Variants in SLC12A5 observed in about 807,000 individuals in gnomAD.
SLC12A5 encodes solute carrier family 12 member 5.
A neutral mutation model predicts 124.0 loss-of-function variants in SLC12A5; 18 were observed. The observed-to-expected ratio is 0.15, with a 90% CI of 0.10 to 0.22. SLC12A5 has a LOEUF of 0.22. SLC12A5 is among the 10% of genes least tolerant of loss of function. The pLI is 1.00. For synonymous variants in SLC12A5, 589 were observed against 568.0 expected (o/e 1.04, Z -0.53); for missense variants, 867 against 1,478.7 (o/e 0.59, Z 6.78).
At chr20:46,025,738 T>G (rs1016129453), upstream of SLC12A5, among the ~76,000 whole-genome samples, 1 of 152,084 alleles carries the variant, frequency 6.6e-6, no homozygotes, top group South Asian at 2.1e-4. Flanking sequence ...CCTGTGTGTG[T>G]GGGGCGTGCT....
upstream of SLC12A5, among the ~76,000 whole-genome samples, chr20:46,026,633 A>G (rs1214219139): frequency 6.6e-6 from 1 of 152,246 alleles, no homozygotes; most frequent in African/African-American, 2.4e-5. Flanking sequence ...TGAGATTAAT[A>G]GAGCACTAAG....
chr20:46,057,696 C>G lies in SLC12A5; in HGVS notation c.*91C>G. Reference sequence around the variant, plus strand: ...CCCCGCCGCTGTCACCGTTTACATACAGACCCTGTGCCCGTGTCCTGGCCC... The same window carrying G: ...CCCCGCCGCTGTCACCGTTTACATAGAGACCCTGTGCCCGTGTCCTGGCCC... On this transcript the variant is annotated 3_prime_UTR_variant, in exon 26 of 26. Transcript: ENST00000243964. The surrounding 1 kb of genome is among the most constrained non-coding windows in gnomAD (Gnocchi z 7.1). 1.0e-6 allele frequency: 1 copy of G among 978,998 alleles called. No individual in the cohort carries two copies. The allele number at this position is 978,998 out of a possible 1,614,324, so 60.6% of individuals were successfully genotyped here.
At position 46,044,982 on chromosome 20, in the gene SLC12A5, A is replaced by G; in HGVS notation, c.1411A>G (p.Asn471Asp). 2 of 1,614,178 alleles carry G rather than the reference A, an allele frequency of 1.2e-6. No homozygotes were observed. The highest frequency in any genetic ancestry group is 2.2e-5 in the South Asian group (2 of 91,082). ...VLRDKFGEAV[N>D]GNLVVGTLAW... is the part of the protein sequence containing the mutation. ...TCATTCCAGGTTTGGCGAAGCTGTG[A>G]ATGGCAACCTCGTGGTGGGCACTCT... is the stretch of plus-strand genomic sequence containing the variant. Residue 471 changes from asparagine (N) to aspartate (D), a missense_variant, in exon 12 of 26, where the codon AAT (asparagine) becomes GAT (aspartate). Transcript: ENST00000243964.
In SLC12A5 at chr20:46,059,484, A is replaced by G; in HGVS notation, c.*1879A>G. On this transcript the variant is annotated 3_prime_UTR_variant, in exon 26 of 26. Coordinates refer to ENST00000243964, the MANE Select transcript of SLC12A5 (RefSeq NM_020708.5). The stretch of plus-strand genomic sequence containing the variant: ...CAGTAGACCTCCCTCTGAACACCAC[A>G]GCCAGGTCCTGCCTTCTGGGGGCCT... 2.5e-6 allele frequency: 1 copy of G among 398,856 alleles called. No individual in the cohort carries two copies. The highest frequency in any genetic ancestry group is 3.6e-5 in the East Asian group (1 of 28,070). The allele number at this position is 398,856 out of a possible 1,614,324, so 24.7% of individuals were successfully genotyped here. A position where few individuals can be genotyped will look rare whatever the true frequency, so the allele number is the denominator to read the frequency against.
Position 46,057,686 on chromosome 20 carries a change from C to A in SLC12A5, c.*81C>A. 1 of 1,064,648 alleles carries A rather than the reference C, an allele frequency of 9.4e-7. No individual in the cohort carries two copies. Among genetic ancestry groups the A allele is most frequent in the Non-Finnish European group, 1.4e-6 (1 of 735,270 alleles). 66.0% of individuals were successfully genotyped at this position (1,064,648 alleles called of 1,614,324 possible). On this transcript the variant is annotated 3_prime_UTR_variant, in exon 26 of 26. Transcript: ENST00000243964. The surrounding 1 kb of genome is among the most constrained non-coding windows in gnomAD (Gnocchi z 7.1). ...TCGCCGCGCCCCCCGCCGCTGTCAC[C>A]GTTTACATACAGACCCTGTGCCCGT...
chr20:46,023,103 G>A (rs1002098209), intron 2 of SLC12A5: 11 of 399,464 alleles, frequency 2.8e-5, no homozygotes, highest in Non-Finnish European at 4.8e-5. Flanking sequence ...CCCAAGCGCC[G>A]AAACCCCTAG....
Position 46,053,549 on chromosome 20 carries a change from C to T in SLC12A5, c.2548-29C>T. 1 of 1,612,212 alleles carries T rather than the reference C, an allele frequency of 6.2e-7. No homozygotes were observed. Among genetic ancestry groups the T allele is most frequent in the Non-Finnish European group, 8.5e-7 (1 of 1,179,300 alleles). Reference sequence around the variant, plus strand: ...ATCTCCTCATCACATCTGGGCTGGACCTTTCTGAATCCCCTTCATCGCCTG... The same window carrying T: ...ATCTCCTCATCACATCTGGGCTGGATCTTTCTGAATCCCCTTCATCGCCTG... On this transcript the variant is annotated intron_variant, in intron 19 of 25. Transcript: ENST00000243964. This position sits in a 1 kb window ranked among gnomAD's most constrained non-coding sequence, Gnocchi z 4.7.
At position 46,046,346 on chromosome 20, in the gene SLC12A5, T is replaced by C; in HGVS notation, c.1697T>C (p.Leu566Pro). ...EVAPILSMFFLMCYMFVNLAC... is the reference protein window; with the variant it reads ...EVAPILSMFFPMCYMFVNLAC... ...GCCTTCCTGTGTTCCAGGTTCTTCCTGATGTGCTACATGTTTGTGAATCTG... is the reference window on the plus strand; with the variant it reads ...GCCTTCCTGTGTTCCAGGTTCTTCCCGATGTGCTACATGTTTGTGAATCTG... Residue 566 changes from leucine (L) to proline (P), a missense_variant, in exon 14 of 26, where the codon CTG becomes CCG. This residue lies in a region of SLC12A5 where 152 missense variants were observed against 358.7 expected (regional missense o/e 0.42). Coordinates refer to ENST00000243964, the MANE Select transcript of SLC12A5 (RefSeq NM_020708.5). The C allele has an allele frequency of 6.2e-7, 1 of 1,614,148 alleles. No individual in the cohort carries two copies. The highest frequency in any genetic ancestry group is 8.5e-7 in the Non-Finnish European group (1 of 1,180,004).
rs530848177 is a variant in SLC12A5 at position 46,041,295 on chromosome 20, G to A, written c.855-34G>A. ...TGTGCAGCGAGGGCAAGGTTATGTGGCTCCCCACCTTCCTCCCTTGTTTCT... is the reference window on the plus strand; with the variant it reads ...TGTGCAGCGAGGGCAAGGTTATGTGACTCCCCACCTTCCTCCCTTGTTTCT... On this transcript the variant is annotated intron_variant, in intron 7 of 25. Transcript: ENST00000243964. The A allele has an allele frequency of 6.9e-6, 11 of 1,601,272 alleles. No homozygotes were observed. In the South Asian group the frequency reaches 1.2e-4, roughly 18 times the overall value.
rs1257556544 is a variant in SLC12A5, at chr20:46,055,033, C to A, written c.2787+10C>A. 1 of 1,608,536 alleles carries A rather than the reference C, an allele frequency of 6.2e-7. No individual in the cohort carries two copies. The highest frequency in any genetic ancestry group is 8.5e-7 in the Non-Finnish European group (1 of 1,175,052). On this transcript the variant is annotated intron_variant, in intron 21 of 25. Transcript: ENST00000243964. ...TGAGCGGGAGCGGGAGGTGAGGTTG[C>A]CCTGGCTGGCCCCTGAGAGCCTCAA...
chr20:46,021,862 CA>C lies in SLC12A5; in HGVS notation c.25del (p.His9ProfsTer69). On this transcript the variant is annotated frameshift_variant, in exon 1 of 3. Coordinates refer to the SLC12A5 transcript ENST00000413737. LOFTEE classifies it high-confidence loss of function. ...CCGGCATTCGGTCGCAGACCCCCGC[CA>C]CCTCCCGGGGGAAGACGTCAAAGGT... 1 of 1,531,222 alleles carries C rather than the reference CA, an allele frequency of 6.5e-7. No homozygotes were observed. The highest frequency in any genetic ancestry group is 8.7e-7 in the Non-Finnish European group (1 of 1,144,932). The allele number at this position is 1,531,222 out of a possible 1,614,324, so 94.9% of individuals were successfully genotyped here. A position where few individuals can be genotyped will look rare whatever the true frequency, so the allele number is the denominator to read the frequency against.
chr20:46,049,768 C>G lies in SLC12A5; in HGVS notation c.2159C>G (p.Pro720Arg). 6.3e-7 allele frequency: 1 copy of G among 1,599,804 alleles called. No homozygotes were observed. Among genetic ancestry groups the G allele is most frequent in the East Asian group, 2.2e-5 (1 of 44,454 alleles). The change falls in exon 17 of 26, where the codon CCA (proline) becomes CGA (arginine). Residue 720 changes from proline to arginine, a missense_variant. Pro to Arg is a moderately radical substitution (Grantham distance 103, BLOSUM62 -2). Around this residue, in one of 9 missense-constraint regions of SLC12A5, gnomAD observed 110 missense variants for 149.9 expected, o/e 0.73. Transcript: ENST00000243964. ...GAGGGCACCTTTCTGGAAAATCATC[C>G]ACAGGCCCAGCGGGCAGAAGAGGTG... is the stretch of plus-strand genomic sequence containing the variant. ...VLEGTFLENHPQAQRAEESIR... is the reference protein window; with the variant it reads ...VLEGTFLENHRQAQRAEESIR...
chr20:46,040,374 C>A lies in SLC12A5; in HGVS notation c.614C>A (p.Ala205Asp). The change falls in exon 7 of 26, where the codon GCT becomes GAT. Residue 205 changes from alanine (A) to aspartate (D), a missense_variant and splice_region_variant. Coordinates refer to ENST00000243964, the MANE Select transcript of SLC12A5 (RefSeq NM_020708.5). Reference sequence around the variant, plus strand: ...GTTCTTCCTGCCCCTTTCCCACAGGCTTACCTCTTCCCAGCCATGGCCATC... The same window carrying A: ...GTTCTTCCTGCCCCTTTCCCACAGGATTACCTCTTCCCAGCCATGGCCATC... ...YILGTIEILLAYLFPAMAIFK... is the reference protein window; with the variant it reads ...YILGTIEILLDYLFPAMAIFK... 2 of 1,613,916 alleles carry A rather than the reference C, an allele frequency of 1.2e-6. No homozygotes were observed.
intron 17 of SLC12A5, 55 bp downstream of exon 17, chr20:46,049,845 GTC>G: frequency 2.7e-6 from 4 of 1,485,600 alleles, no homozygotes; most frequent in Non-Finnish European, 3.6e-6. Context: ...TAGGAAGACA[GTC>G]TCTATCCTTT....
In SLC12A5 at chr20:46,045,047, C is replaced by T; in HGVS notation, c.1476C>T (p.Phe492=). The change falls in exon 12 of 26, where the codon TTC becomes TTT. Residue 492 remains phenylalanine, a synonymous_variant. Transcript: ENST00000243964. The surrounding 1 kb of genome is among the most constrained non-coding windows in gnomAD (Gnocchi z 4.9). Reference sequence around the variant, plus strand: ...CATGGGTAATTGTCATCGGATCCTTCTTCTCCACCTGTGGGGCTGGGCTGC... The same window carrying T: ...CATGGGTAATTGTCATCGGATCCTTTTTCTCCACCTGTGGGGCTGGGCTGC... The part of the protein sequence containing the change: ...PSPWVIVIGS[F]FSTCGAGLQS... 2 of 1,614,122 alleles carry T rather than the reference C, an allele frequency of 1.2e-6. No individual in the cohort carries two copies. The highest frequency in any genetic ancestry group is 2.2e-5 in the South Asian group (2 of 91,082).
chr20:46,034,410 C>T (rs1302122830), intron 1 of SLC12A5, among the ~76,000 whole-genome samples: 1 of 152,176 alleles, frequency 6.6e-6, no homozygotes, highest in Non-Finnish European at 1.5e-5. Context: ...GGTTGCTTTC[C>T]TGAGAACAAG....
At chr20:46,023,412 C>T (rs571409690) in exon 3 of SLC12A5, 1 of 398,870 alleles carries the variant, frequency 2.5e-6, no homozygotes, top group East Asian at 3.6e-5. Flanking sequence ...ACCTCTGAAA[C>T]TTATCCTGAA....
intron 1 of SLC12A5, among the ~76,000 whole-genome samples, chr20:46,022,256 G>A (rs968655696): frequency 1.4e-4 from 21 of 152,034 alleles, no homozygotes; most frequent in Non-Finnish European, 2.9e-4. Flanking sequence ...CGGGACCAGA[G>A]TGAGGAGGTG....
upstream of SLC12A5, among the ~76,000 whole-genome samples, chr20:46,024,775 A>T (rs566996872): frequency 6.6e-6 from 1 of 152,360 alleles, no homozygotes; most frequent in Admixed American, 6.5e-5. Flanking sequence ...CACACACCTC[A>T]CTTGCTTCAC....
Sources: gnomAD v4.1 joint callset for allele counts (sites outside exome capture counted in the v4.1 genomes callset) on GRCh38, gnomAD v4.1.1 for gene constraint, gnomAD v4.1.1 regional missense constraint, Gnocchi (gnomAD v3.1) non-coding constraint, MANE v1.5 for transcripts, NCBI Gene and HGNC (gene_info 2026-07-23, HGNC 2026-07-21) for gene names.